Variants in NCOA6 observed in about 807,000 individuals in gnomAD.
NCOA6 encodes the protein nuclear receptor coactivator 6.
In NCOA6, 49 loss-of-function variants were observed where a neutral mutation model predicts 171.4. The ratio of observed to expected loss-of-function variants is 0.29; its 90% CI spans 0.23 to 0.36. NCOA6 has a LOEUF of 0.36. Among genes scored for constraint, NCOA6 ranks in the 10% least tolerant of loss-of-function variants. NCOA6 has a pLI of 1.00. For missense variants in NCOA6, 2,248 were observed against 2,554.5 expected (o/e 0.88, Z 2.59); for synonymous variants, 910 against 927.5 (o/e 0.98, Z 0.34).
In NCOA6 at chr20:34,742,964, G is replaced by C. The variant is rs751738571; in HGVS notation, c.3292C>G (p.Pro1098Ala). ...VPPSPDKQRM[P>A]MPVNTPLGSN... ...CCCAAGGGAGTATTCACAGGCATTG[G>C]CATTCTTTGTTTATCAGGTGATGGT... Residue 1098 changes from proline (P) to alanine (A), a missense_variant, in exon 11 of 15, where the codon CCA becomes GCA. Pro to Ala is a conservative substitution (Grantham distance 27, BLOSUM62 -1). Coordinates refer to ENST00000359003, the MANE Select transcript of NCOA6 (RefSeq NM_014071.5). 1 of 1,613,866 alleles carries C rather than the reference G, an allele frequency of 6.2e-7. No individual in the cohort carries two copies. Among genetic ancestry groups the C allele is most frequent in the Non-Finnish European group, 8.5e-7 (1 of 1,179,796 alleles).
chr20:34,718,845 T>C (rs1309985808), intron 14 of NCOA6, among the ~76,000 whole-genome samples: 3 of 152,160 alleles, frequency 2.0e-5, no homozygotes, highest in Non-Finnish European at 4.4e-5. Flanking sequence ...GTAAGTGATG[T>C]AGAGGCTAAT....
At chr20:34,764,009 A>ATTTTT (rs11471838) in intron 5 of NCOA6, among the ~76,000 whole-genome samples, 3 of 107,266 alleles carry the variant, frequency 2.8e-5, no homozygotes, top group South Asian at 6.3e-4. Context: ...CACCTTTGAC[A>ATTTTT]TTTTTTTTTT....
At position 34,755,061 on chromosome 20, in the gene NCOA6, T is replaced by C. The variant is rs139387420; in HGVS notation, c.1529-193A>G. Among the ~76,000 whole-genome samples, 2,413 of 152,200 alleles carry C rather than the reference T, an allele frequency of 0.016. 30 individuals carry two copies. Among genetic ancestry groups the C allele is most frequent in the Middle Eastern group, 0.02 (6 of 294 alleles). ...TCAACACAATCTCTTATATGAGGCA[T>C]TGTCAAAATGAAAAATAAATACTAA... On this transcript the variant is annotated intron_variant, in intron 7 of 14. Coordinates refer to ENST00000359003, the MANE Select transcript of NCOA6 (RefSeq NM_014071.5).
chr20:34,749,866 G>A lies in NCOA6; in HGVS notation c.2329C>T (p.Pro777Ser). Residue 777 changes from proline (P) to serine (S), a missense_variant, in exon 9 of 15, where the codon CCA (proline) becomes TCA (serine). Physicochemically the swap from Pro to Ser is moderately conservative, Grantham distance 74 (BLOSUM62 -1). Transcript: ENST00000359003. ...LPQQGPVNNS[P>S]SQVMGIQGQV... is the part of the protein sequence containing the mutation. The stretch of plus-strand genomic sequence containing the variant: ...CCCTGAATGCCCATAACCTGAGATG[G>A]ACTGTTGTTCACAGGCCCTTGCTGG... 6.2e-7 allele frequency: 1 copy of A among 1,614,242 alleles called. No homozygotes were observed.
rs1361442596 is a variant in NCOA6, at chr20:34,782,417, G to T, written c.-49-13C>A. The T allele has an allele frequency of 1.0e-6, 1 of 981,028 alleles. No individual in the cohort carries two copies. Among genetic ancestry groups the T allele is most frequent in the East Asian group, 2.5e-5 (1 of 40,330 alleles). The allele number at this position is 981,028 out of a possible 1,614,324, so 60.8% of individuals were successfully genotyped here. ...AATAAGAAAACTTCTGAAAAGAGAAGATGCAAAAGAGCATTACAATGCATA... is the reference window on the plus strand; with the variant it reads ...AATAAGAAAACTTCTGAAAAGAGAATATGCAAAAGAGCATTACAATGCATA... On this transcript the variant is annotated splice_polypyrimidine_tract_variant and intron_variant, in intron 2 of 14. Coordinates refer to ENST00000359003, the MANE Select transcript of NCOA6 (RefSeq NM_014071.5).
chr20:34,724,221 T>C (rs965152856), intron 14 of NCOA6, among the ~76,000 whole-genome samples: 1 of 152,220 alleles, frequency 6.6e-6, no homozygotes, highest in African/African-American at 2.4e-5. Context: ...GTATACACTA[T>C]TCCTGGAAAA....
Position 34,740,901 on chromosome 20 carries a change from G to A in NCOA6, c.5355C>T (p.Pro1785=), listed in dbSNP as rs1469153956. The part of the protein sequence containing the change: ...VNTSADQNTL[P]SSQSTTMVSP... ...AAACCATTGTGGTTGACTGTGAAGA[G>A]GGAAGAGTGTTCTGATCTGCTGAGG... The change falls in exon 11 of 15, where the codon CCC becomes CCT. Residue 1785 remains proline, a synonymous_variant. Transcript: ENST00000359003. 2 of 1,614,228 alleles carry A rather than the reference G, an allele frequency of 1.2e-6. No individual in the cohort carries two copies. Among genetic ancestry groups the A allele is most frequent in the South Asian group, 1.1e-5 (1 of 91,080 alleles).
intron 9 of NCOA6, among the ~76,000 whole-genome samples, chr20:34,749,058 A>C (rs2076390843): frequency 6.6e-6 from 1 of 152,212 alleles, no homozygotes; most frequent in Non-Finnish European, 1.5e-5. Context: ...TGTAAGAAAA[A>C]AATTTGAGAT....
intron 5 of NCOA6, among the ~76,000 whole-genome samples, chr20:34,763,218 C>G (rs2076870513): frequency 6.6e-6 from 1 of 152,166 alleles, no homozygotes; most frequent in Non-Finnish European, 1.5e-5. Context: ...ATTTCTTTAT[C>G]TTCTTCAGGA....
intron 14 of NCOA6, among the ~76,000 whole-genome samples, chr20:34,724,475 A>G (rs189940069): frequency 2.3e-3 from 348 of 152,256 alleles, no homozygotes; most frequent in Non-Finnish European, 4.3e-3. Context: ...TGGCATCCCA[A>G]TGATACTTGA....
At chr20:34,719,939 C>A (rs1004412891) in intron 14 of NCOA6, among the ~76,000 whole-genome samples, 7 of 152,110 alleles carry the variant, frequency 4.6e-5, no homozygotes, top group African/African-American at 1.7e-4. Context: ...TATCTTTATA[C>A]CCTGTGTTTT....
intron 11 of NCOA6, among the ~76,000 whole-genome samples, chr20:34,737,901 C>CTT (rs1214148397): frequency 6.6e-6 from 1 of 152,020 alleles, no homozygotes; most frequent in Non-Finnish European, 1.5e-5. Flanking sequence ...CTCAAATTTC[C>CTT]TTTTCTTTTT....
chr20:34,728,200 G>T (rs1477291924), intron 13 of NCOA6, among the ~76,000 whole-genome samples: 4 of 152,078 alleles, frequency 2.6e-5, no homozygotes, highest in Non-Finnish European at 4.4e-5. Context: ...AATGATCCCG[G>T]TAGAGTCAGA....
intron 3 of NCOA6, 47 bp from the exon 4 acceptor site, chr20:34,776,495 CA>C (rs1476467090): frequency 3.1e-6 from 5 of 1,596,758 alleles, no homozygotes; most frequent in Non-Finnish European, 3.4e-6. Context: ...TTTTAGCCAC[CA>C]GAGGAGATGG....
intron 13 of NCOA6, among the ~76,000 whole-genome samples, chr20:34,728,769 A>G (rs1459661338): frequency 6.6e-6 from 1 of 152,242 alleles, no homozygotes; most frequent in Non-Finnish European, 1.5e-5. Flanking sequence ...GCACATCCAT[A>G]TGGAGTCATG....
At chr20:34,802,470 G>T (rs549802630) in intron 1 of NCOA6, among the ~76,000 whole-genome samples, 2 of 152,072 alleles carry the variant, frequency 1.3e-5, no homozygotes, top group African/African-American at 4.8e-5. Context: ...GCGTGGTGGC[G>T]CATGCCTGTA....
chr20:34,727,437 C>G (rs1338146664), intron 13 of NCOA6, 30 bp from the exon 14 acceptor site: 3 of 1,611,970 alleles, frequency 1.9e-6, no homozygotes, highest in Non-Finnish European at 2.5e-6. Flanking sequence ...AGTTTCCAAG[C>G]AGGTGAGGGA....
At chr20:34,746,765 T>C (rs745466466) in intron 10 of NCOA6, 42 bp downstream of exon 10, 2 of 1,536,414 alleles carry the variant, frequency 1.3e-6, no homozygotes, top group African/African-American at 1.4e-5. Context: ...TAATGCCACA[T>C]GCACATGTAA....
chr20:34,739,003 T>C (rs890358760), intron 11 of NCOA6: 8 of 446,610 alleles, frequency 1.8e-5, no homozygotes, highest in Admixed American at 9.4e-5. Flanking sequence ...GCTCTAGCAG[T>C]GTGTGACTGA....
Sources: allele counts gnomAD v4.1 joint callset (sites outside exome capture counted in the v4.1 genomes callset), GRCh38; gene constraint gnomAD v4.1.1; transcripts MANE v1.5; gene names NCBI Gene and HGNC (gene_info 2026-07-23, HGNC 2026-07-21).